The following FUT9 variants were observed in gnomAD, a reference collection of about 807,000 sequenced individuals.
FUT9 encodes the protein 4-galactosyl-N-acetylglucosaminide 3-alpha-L-fucosyltransferase 9.
FUT9 carries 15 observed loss-of-function variants against 29.7 expected under a neutral mutation model. The observed-to-expected ratio is 0.51, with a 90% confidence interval of 0.34 to 0.78. The LOEUF is 0.78. FUT9 is among the 30% of genes least tolerant of loss of function. FUT9 has a pLI of 0.01. For missense variants in FUT9, 319 were observed against 425.4 expected (o/e 0.75, Z 2.20); for synonymous variants, 169 against 153.7 (o/e 1.10, Z -0.74).
At chr6:96,050,684 C>T (rs964122176) in intron 1 of FUT9, among the ~76,000 whole-genome samples, 3 of 152,150 alleles carry the variant, frequency 2.0e-5, no homozygotes, top group Non-Finnish European at 2.9e-5. Flanking sequence ...CAGAGATATC[C>T]TATGATTGCA....
chr6:96,179,127 G>A lies in FUT9; in HGVS notation c.-8-24021G>A, dbSNP rs559042062. On this transcript the variant is annotated intron_variant, in intron 2 of 2. Transcript: ENST00000302103. ...TTGGGATCTTAGGTATAGTCATCCC[G>A]TATTGTATATGACCATAGAAGATTC... Among the ~76,000 whole-genome samples the A allele has an allele frequency of 7.2e-5, 11 of 152,136 alleles. No individual in the cohort carries two copies. In the South Asian group the frequency reaches 1.0e-3, roughly 14 times the overall value.
At chr6:96,048,293 C>T (rs1208304310) in intron 1 of FUT9, among the ~76,000 whole-genome samples, 1 of 152,104 alleles carries the variant, frequency 6.6e-6, no homozygotes, top group Non-Finnish European at 1.5e-5. Context: ...CAGGGATTCC[C>T]ACCCAGACAT....
intron 2 of FUT9, among the ~76,000 whole-genome samples, chr6:96,180,699 A>G (rs1259138233): frequency 6.6e-6 from 1 of 152,054 alleles, no homozygotes; most frequent in Non-Finnish European, 1.5e-5. Flanking sequence ...GCTTCTACAT[A>G]TGAATGAGAA....
chr6:96,200,022 G>C (rs949249010), intron 2 of FUT9, among the ~76,000 whole-genome samples: 2 of 152,160 alleles, frequency 1.3e-5, no homozygotes, highest in African/African-American at 4.8e-5. Flanking sequence ...AGATTCTAAA[G>C]CCAGGTGGCC....
chr6:96,091,712 G>A (rs920963929), intron 1 of FUT9, among the ~76,000 whole-genome samples: 3 of 152,038 alleles, frequency 2.0e-5, no homozygotes, highest in Non-Finnish European at 4.4e-5. Flanking sequence ...GTGGCAAAAT[G>A]TTAACAATTG....
intron 2 of FUT9, among the ~76,000 whole-genome samples, chr6:96,125,512 G>T (rs1411893030): frequency 6.6e-6 from 1 of 152,020 alleles, no homozygotes; most frequent in Admixed American, 6.6e-5. Flanking sequence ...TCACTGTGTC[G>T]GCACTTAATA....
intron 1 of FUT9, among the ~76,000 whole-genome samples, chr6:96,109,525 A>T (rs1771758362): frequency 6.6e-6 from 1 of 152,172 alleles, no homozygotes; most frequent in Non-Finnish European, 1.5e-5. Flanking sequence ...ATTACTCAAC[A>T]ATGATTCAAA....
chr6:96,111,149 C>A (rs928253675), intron 1 of FUT9, among the ~76,000 whole-genome samples: 2 of 152,086 alleles, frequency 1.3e-5, no homozygotes, highest in Non-Finnish European at 2.9e-5. Context: ...ACCCATCAAG[C>A]CTGGTCTTGA....
intron 2 of FUT9, among the ~76,000 whole-genome samples, chr6:96,151,212 C>A (rs1772669025): frequency 6.6e-6 from 1 of 152,104 alleles, no homozygotes; most frequent in Admixed American, 6.5e-5. Flanking sequence ...GGCTTTAATT[C>A]TTTGATTAAA....
intron 1 of FUT9, among the ~76,000 whole-genome samples, chr6:96,048,624 A>C (rs192547302): frequency 6.6e-6 from 1 of 152,344 alleles, no homozygotes; most frequent in East Asian, 1.9e-4. Flanking sequence ...TTAAGTTCCT[A>C]TGATACTTAA....
At chr6:96,087,138 A>G (rs1287573634) in intron 1 of FUT9, among the ~76,000 whole-genome samples, 1 of 152,186 alleles carries the variant, frequency 6.6e-6, no homozygotes, top group African/African-American at 2.4e-5. Flanking sequence ...ACATTCTTAC[A>G]GAGCCAAAAA....
chr6:96,164,729 G>C (rs190247944), intron 2 of FUT9, among the ~76,000 whole-genome samples: 2 of 152,304 alleles, frequency 1.3e-5, no homozygotes, highest in Admixed American at 1.3e-4. Flanking sequence ...ATCATGGCCT[G>C]AACTCGTGTT....
chr6:96,112,441 C>T (rs1433558192), intron 1 of FUT9, among the ~76,000 whole-genome samples: 1 of 152,114 alleles, frequency 6.6e-6, no homozygotes, highest in East Asian at 1.9e-4. Context: ...CTTGTATTAT[C>T]TTTAAATGTG....
At chr6:96,082,913 G>GT (rs1216439340) in intron 1 of FUT9, among the ~76,000 whole-genome samples, 1 of 151,850 alleles carries the variant, frequency 6.6e-6, no homozygotes, top group African/African-American at 2.4e-5. Context: ...GATACTTTAT[G>GT]TTCTTGGCTA....
At chr6:96,030,731 T>A (rs778578931) in intron 1 of FUT9, among the ~76,000 whole-genome samples, 25 of 151,588 alleles carry the variant, frequency 1.6e-4, no homozygotes, top group Non-Finnish European at 5.9e-5. Flanking sequence ...ACAACCTAAG[T>A]GTCCATCAAC....
At chr6:96,167,479 C>T (rs181743788) in intron 2 of FUT9, among the ~76,000 whole-genome samples, 1 of 152,192 alleles carries the variant, frequency 6.6e-6, no homozygotes, top group African/African-American at 2.4e-5. Flanking sequence ...TTACACGTAC[C>T]AGGCACCAAA....
intron 1 of FUT9, among the ~76,000 whole-genome samples, chr6:96,059,000 T>C (rs1360921521): frequency 6.6e-6 from 1 of 152,164 alleles, no homozygotes; most frequent in Non-Finnish European, 1.5e-5. Context: ...GCCAGGAAAA[T>C]GTTACAATAG....
chr6:96,215,558 C>T lies in FUT9; in HGVS notation c.*11323C>T, dbSNP rs1774020901. The T allele has an allele frequency of 6.0e-6, 1 of 166,278 alleles. No individual in the cohort carries two copies. The highest frequency in any genetic ancestry group is 2.4e-5 in the African/African-American group (1 of 41,400). 10.3% of individuals were successfully genotyped at this position (166,278 alleles called of 1,614,324 possible). A position where few individuals can be genotyped will look rare whatever the true frequency, so the allele number is the denominator to read the frequency against. On this transcript the variant is annotated 3_prime_UTR_variant, in exon 3 of 3. Coordinates refer to ENST00000302103, the MANE Select transcript of FUT9 (RefSeq NM_006581.4). ...GTAAATAATGATGTTCTATTCTGAC[C>T]TAATGAATTCCTGTAATGTGAATAT...
At chr6:96,104,932 G>A (rs72929970) in intron 1 of FUT9, among the ~76,000 whole-genome samples, 6,165 of 152,232 alleles carry the variant, frequency 0.04, 177 homozygotes, top group South Asian at 0.12. Context: ...TACATTCTAA[G>A]TGTTTATTAG....
Sources: gnomAD v4.1 joint callset for allele counts (sites outside exome capture counted in the v4.1 genomes callset) on GRCh38, gnomAD v4.1.1 for gene constraint, MANE v1.5 for transcripts, NCBI Gene and HGNC (gene_info 2026-07-23, HGNC 2026-07-21) for gene names.